The following OPCML variants were observed in gnomAD, a reference collection of about 807,000 sequenced individuals.
OPCML encodes the protein opioid binding protein/cell adhesion molecule like.
In OPCML, 13 loss-of-function variants were observed where a neutral mutation model predicts 37.8. The ratio of observed to expected loss-of-function variants is 0.34; its 90% CI spans 0.22 to 0.55. The LOEUF (loss-of-function observed/expected upper bound fraction) is 0.55, where lower values mean the gene tolerates loss of function less well. Ranked by LOEUF, OPCML falls within the 20% of genes least tolerant of loss-of-function variation. The probability of loss-of-function intolerance (pLI) is 0.91; values close to 1 mark genes in which losing one functional copy is unlikely to be tolerated. For synonymous variants in OPCML, 176 were observed against 168.8 expected (o/e 1.04, Z -0.33); for missense variants, 341 against 435.6 (o/e 0.78, Z 1.93).
chr11:133,228,129 G>A (rs997696316), intron 1 of OPCML, among the ~76,000 whole-genome samples: 1 of 152,076 alleles, frequency 6.6e-6, no homozygotes, highest in Admixed American at 6.5e-5. Context: ...GAATAATTGC[G>A]GCCAGAGACT....
chr11:133,158,712 A>AAAAATAAAATAAAAT lies in OPCML; in HGVS notation c.62-215717_62-215703dup, dbSNP rs560451941. 3.1e-3 allele frequency among the ~76,000 whole-genome samples: 420 copies of AAAAATAAAATAAAAT among 134,236 alleles called. 2 individuals are homozygous for AAAAATAAAATAAAAT. Among genetic ancestry groups the AAAAATAAAATAAAAT allele is most frequent in the Admixed American group, 8.3e-3 (113 of 13,548 alleles). 88.1% of individuals were successfully genotyped at this position (134,236 alleles called of 152,430 possible). ...AGACTCTGTCTAAAAATAAAATTAA[A>AAAAATAAAATAAAAT]AAAATAAAATAAAATAAAATAAAAT... On this transcript the variant is annotated intron_variant, in intron 1 of 7. Coordinates refer to ENST00000524381, the MANE Select transcript of OPCML (RefSeq NM_001012393.5).
At chr11:132,514,494 C>T (rs186559526) in intron 4 of OPCML, among the ~76,000 whole-genome samples, 6 of 152,230 alleles carry the variant, frequency 3.9e-5, no homozygotes, top group South Asian at 2.1e-4. Context: ...TATGCTTCAG[C>T]AGAGTCTGCT....
chr11:133,393,296 T>C lies in OPCML; in HGVS notation c.61+138968A>G, dbSNP rs552442253. Among the ~76,000 whole-genome samples, 7 of 152,346 alleles carry C rather than the reference T, an allele frequency of 4.6e-5. No individual in the cohort carries two copies. The South Asian group carries it at 1.4e-3, about 32-fold the overall frequency. ...ATACACATAAAACAAGGTTATGTATTGATTGGTAGACAAAAATGTTGTGAT... is the reference window on the plus strand; with the variant it reads ...ATACACATAAAACAAGGTTATGTATCGATTGGTAGACAAAAATGTTGTGAT... On this transcript the variant is annotated intron_variant, in intron 1 of 7. Coordinates refer to ENST00000524381, the MANE Select transcript of OPCML (RefSeq NM_001012393.5).
chr11:132,856,538 T>C (rs1481854728), intron 2 of OPCML, among the ~76,000 whole-genome samples: 2 of 152,098 alleles, frequency 1.3e-5, no homozygotes, highest in South Asian at 2.1e-4. Context: ...TCCCAATTGA[T>C]AGAAAACAGC....
At chr11:132,455,971 T>C (rs2096081619) in intron 4 of OPCML, among the ~76,000 whole-genome samples, 1 of 152,186 alleles carries the variant, frequency 6.6e-6, no homozygotes, top group Non-Finnish European at 1.5e-5. Flanking sequence ...AAATCCTCTA[T>C]TAAAATTTTA....
At chr11:133,488,458 A>G (rs1163112500) in intron 1 of OPCML, among the ~76,000 whole-genome samples, 2 of 152,174 alleles carry the variant, frequency 1.3e-5, no homozygotes, top group African/African-American at 4.8e-5. Context: ...CTATACACCA[A>G]TGATGATCTA....
chr11:132,998,457 A>G (rs1188311800), intron 1 of OPCML, among the ~76,000 whole-genome samples: 1 of 151,740 alleles, frequency 6.6e-6, no homozygotes, highest in African/African-American at 2.4e-5. Context: ...TTTTCTGTCT[A>G]CTCTAAAGGT....
In OPCML at chr11:132,684,592, C is replaced by G. The variant is rs147829230; in HGVS notation, c.147-27273G>C. 3.2e-3 allele frequency among the ~76,000 whole-genome samples: 490 copies of G among 152,146 alleles called. 3 individuals are homozygous for G. The highest frequency in any genetic ancestry group is 0.011 in the African/African-American group (465 of 41,506). On this transcript the variant is annotated intron_variant, in intron 2 of 7. Coordinates refer to ENST00000524381, the MANE Select transcript of OPCML (RefSeq NM_001012393.5). ...TCAATAGGACAAAAGGTTCCTAATC[C>G]TGTTATGAAAATAAATATTATAATT...
At chr11:133,456,801 T>A (rs1254111409) in intron 1 of OPCML, among the ~76,000 whole-genome samples, 11 of 150,236 alleles carry the variant, frequency 7.3e-5, no homozygotes, top group African/African-American at 2.2e-4. Flanking sequence ...AAAAATTCAC[T>A]GAACTTCAAG....
chr11:133,383,357 G>A (rs142136051), intron 1 of OPCML, among the ~76,000 whole-genome samples: 77 of 152,196 alleles, frequency 5.1e-4, no homozygotes, highest in African/African-American at 1.8e-3. Context: ...TGATCACATC[G>A]TTGTCCTGAT....
At chr11:132,573,037 C>T (rs2096442154) in intron 3 of OPCML, among the ~76,000 whole-genome samples, 1 of 151,636 alleles carries the variant, frequency 6.6e-6, no homozygotes, top group Non-Finnish European at 1.5e-5. Context: ...TTCCTAATTT[C>T]TTTTTAAGAT....
intron 2 of OPCML, among the ~76,000 whole-genome samples, chr11:132,906,891 A>G (rs912772690): frequency 2.6e-5 from 4 of 152,174 alleles, no homozygotes; most frequent in Non-Finnish European, 4.4e-5. Flanking sequence ...AATAGAGGGT[A>G]GTGGGGATTG....
intron 1 of OPCML, among the ~76,000 whole-genome samples, chr11:132,990,580 G>A (rs907638178): frequency 6.6e-6 from 1 of 152,190 alleles, no homozygotes; most frequent in Admixed American, 6.5e-5. Context: ...CTAGAAATGA[G>A]AATTGCGGTC....
intron 1 of OPCML, among the ~76,000 whole-genome samples, chr11:133,296,616 C>T (rs1423841802): frequency 2.6e-5 from 4 of 152,186 alleles, no homozygotes; most frequent in African/African-American, 4.8e-5. Context: ...ATGTCTTATA[C>T]GATGCTTCCA....
intron 1 of OPCML, chr11:133,420,979 GA>G: frequency 3.0e-6 from 3 of 985,118 alleles, no homozygotes; most frequent in Non-Finnish European, 3.6e-6. Flanking sequence ...GCATGGCTGG[GA>G]AAAAAAGCTG....
In OPCML at chr11:132,951,338, C is replaced by T. The variant is rs114940818; in HGVS notation, c.62-8328G>A. On this transcript the variant is annotated intron_variant, in intron 1 of 7. Coordinates refer to ENST00000524381, the MANE Select transcript of OPCML (RefSeq NM_001012393.5). ...GGGTGCCAGCGTGAACATGCTCCGA[C>T]GAGGGCTCTCTTTCTGGCTTGAGAC... Among the ~76,000 whole-genome samples, 1,175 of 152,266 alleles carry T rather than the reference C, an allele frequency of 7.7e-3. 16 individuals carry two copies. The highest frequency in any genetic ancestry group is 0.027 in the African/African-American group (1,118 of 41,538).
chr11:133,408,127 A>T (rs1204873473), intron 1 of OPCML, among the ~76,000 whole-genome samples: 3 of 151,694 alleles, frequency 2.0e-5, no homozygotes, highest in African/African-American at 7.3e-5. Context: ...TAAGAGGTAA[A>T]TTTCAACCGC....
At position 133,211,540 on chromosome 11, in the gene OPCML, TGA is replaced by T. The variant is rs1939358609; in HGVS notation, c.62-268532_62-268531del. On this transcript the variant is annotated intron_variant, in intron 1 of 7. Transcript: ENST00000524381. This position sits in a 1 kb window ranked among gnomAD's most constrained non-coding sequence, Gnocchi z 4.1. ...AGTCAGAGGAGGGGCTTTGAAAACT[TGA>T]ACACTTCCGAAGGTTCTGTAACTAT... Among the ~76,000 whole-genome samples, 1 of 152,204 alleles carries T rather than the reference TGA, an allele frequency of 6.6e-6. No homozygotes were observed.
chr11:132,472,054 A>G (rs1340851583), intron 4 of OPCML, among the ~76,000 whole-genome samples: 1 of 152,202 alleles, frequency 6.6e-6, no homozygotes, highest in Non-Finnish European at 1.5e-5. Flanking sequence ...GTGAACAAAT[A>G]TTCCACATTC....
Sources: allele counts gnomAD v4.1 joint callset (sites outside exome capture counted in the v4.1 genomes callset), GRCh38; gene constraint gnomAD v4.1.1; non-coding constraint Gnocchi (gnomAD v3.1); transcripts MANE v1.5; gene names NCBI Gene and HGNC (gene_info 2026-07-23, HGNC 2026-07-21).